TMIGD1: variants seen among roughly 807,000 people sequenced by gnomAD.
TMIGD1 encodes transmembrane and immunoglobulin domain-containing protein 1.
TMIGD1 carries 29 observed loss-of-function variants against 27.5 expected under a neutral mutation model. The ratio of observed to expected loss-of-function variants is 1.05; its 90% confidence interval spans 0.78 to 1.44. The LOEUF (loss-of-function observed/expected upper bound fraction) is 1.44. Ranked by LOEUF, TMIGD1 falls within the 40% of genes most tolerant of loss-of-function variation. The pLI is 0.00. For missense variants in TMIGD1, 334 were observed against 310.6 expected, an observed-to-expected ratio of 1.08 and a Z score of -0.57; for synonymous variants, 109 against 110.3, an observed-to-expected ratio of 0.99 and a Z score of 0.07.
chr17:30,316,731 C>T (rs1198501643), intron 6 of TMIGD1, 41 bp from the exon 7 acceptor site: 2 of 1,597,720 alleles, frequency 1.3e-6, no homozygotes, highest in Non-Finnish European at 1.7e-6. Context: ...ATGCTCATAG[C>T]AATAAGAAAA....
intron 2 of TMIGD1, among the ~76,000 whole-genome samples, chr17:30,330,764 C>T (rs762464089): frequency 6.6e-6 from 1 of 152,094 alleles, no homozygotes; most frequent in Admixed American, 6.5e-5. Flanking sequence ...CATAGTAATA[C>T]ACCTGAATTT....
intron 4 of TMIGD1, among the ~76,000 whole-genome samples, chr17:30,322,841 A>G (rs1909663319): frequency 6.6e-6 from 1 of 151,998 alleles, no homozygotes; most frequent in African/African-American, 2.4e-5. Context: ...AAACTACCTT[A>G]CCCATTGGCT....
At chr17:30,320,441 A>T (rs1567848153) in intron 4 of TMIGD1, among the ~76,000 whole-genome samples, 1 of 152,170 alleles carries the variant, frequency 6.6e-6, no homozygotes, top group Non-Finnish European at 1.5e-5. Context: ...GATTGGCCCC[A>T]AGATATGAAA....
intron 3 of TMIGD1, among the ~76,000 whole-genome samples, chr17:30,328,157 C>T (rs1379125803): frequency 7.2e-5 from 11 of 151,870 alleles, no homozygotes; most frequent in Admixed American, 7.2e-4. Context: ...GCCTCAGCCT[C>T]CTGAGTAGCT....
chr17:30,333,499 C>A (rs969674685), intron 1 of TMIGD1, among the ~76,000 whole-genome samples: 1 of 151,800 alleles, frequency 6.6e-6, no homozygotes, highest in African/African-American at 2.4e-5. Context: ...CTTTTCCAGT[C>A]CCTGGCCACT....
At position 30,318,872 on chromosome 17, in the gene TMIGD1, A is replaced by T. The variant is rs1909507469; in HGVS notation, c.682T>A (p.Cys228Ser). ...CACAATGTCAGAAAGATCACAACAC[A>T]TGCAGCAATAATGGGCTCTATTGGT... ...GVPIEPIIAA[C>S]VVIFLTLCFG... Residue 228 changes from cysteine to serine, a missense_variant, in exon 5 of 7, where the codon TGT becomes AGT. By Grantham distance (112) the Cys-to-Ser change is moderately radical (BLOSUM62 -1). Transcript: ENST00000328886. The T allele has an allele frequency of 6.2e-7, 1 of 1,613,958 alleles. No individual in the cohort carries two copies. The highest frequency in any genetic ancestry group is 1.1e-5 in the South Asian group (1 of 91,070).
At chr17:30,327,283 G>A (rs904493531) in intron 3 of TMIGD1, among the ~76,000 whole-genome samples, 2 of 152,138 alleles carry the variant, frequency 1.3e-5, no homozygotes, top group Non-Finnish European at 2.9e-5. Context: ...TCGGCCTGGT[G>A]GTGCACGCCT....
At chr17:30,327,342 G>A (rs1909817300) in intron 3 of TMIGD1, among the ~76,000 whole-genome samples, 1 of 151,974 alleles carries the variant, frequency 6.6e-6, no homozygotes, top group African/African-American at 2.4e-5. Context: ...ACTTGAGCCT[G>A]GGAGGCAGAG....
At chr17:30,320,951 G>A (rs1909600248) in intron 4 of TMIGD1, among the ~76,000 whole-genome samples, 1 of 152,070 alleles carries the variant, frequency 6.6e-6, no homozygotes, top group African/African-American at 2.4e-5. Context: ...TCTGTCTCCT[G>A]GGTTCAAGCG....
At chr17:30,328,607 CA>C (rs967989474) in intron 3 of TMIGD1, among the ~76,000 whole-genome samples, 2 of 151,064 alleles carry the variant, frequency 1.3e-5, no homozygotes, top group Admixed American at 6.6e-5. Flanking sequence ...TGGAAACAAA[CA>C]AAAAAAAGAC....
intron 4 of TMIGD1, among the ~76,000 whole-genome samples, chr17:30,322,816 T>C (rs112781659): frequency 0.012 from 1,812 of 152,302 alleles, 37 homozygotes; most frequent in African/African-American, 0.041. Flanking sequence ...TCTTATTCTA[T>C]ACACAAACCG....
intron 3 of TMIGD1, among the ~76,000 whole-genome samples, chr17:30,327,720 C>A (rs921606809): frequency 2.7e-5 from 4 of 148,860 alleles, no homozygotes; most frequent in African/African-American, 9.9e-5. Flanking sequence ...CCACCATGCC[C>A]AGCTAATTAA....
At chr17:30,326,834 G>T (rs190342162) in intron 3 of TMIGD1, among the ~76,000 whole-genome samples, 1 of 152,096 alleles carries the variant, frequency 6.6e-6, no homozygotes, top group Non-Finnish European at 1.5e-5. Flanking sequence ...TTTCAGCAAC[G>T]AGGTATGAGA....
intron 5 of TMIGD1, 78 bp from the exon 6 acceptor site, chr17:30,317,311 C>T (rs1909447123): frequency 7.8e-6 from 12 of 1,532,542 alleles, no homozygotes; most frequent in East Asian, 2.3e-5. Context: ...TAAGATGGCT[C>T]GAGGACAGGT....
At chr17:30,322,216 A>AT (rs1909641589) in intron 4 of TMIGD1, among the ~76,000 whole-genome samples, 1 of 152,318 alleles carries the variant, frequency 6.6e-6, no homozygotes, top group Non-Finnish European at 1.5e-5. Context: ...GTTTCTAAAA[A>AT]TTATTCTCAT....
chr17:30,318,076 A>T (rs1395699020), intron 5 of TMIGD1, among the ~76,000 whole-genome samples: 1 of 152,106 alleles, frequency 6.6e-6, no homozygotes, highest in African/African-American at 2.4e-5. Context: ...TCAAAAAAAT[A>T]AAAAAAGAAA....
chr17:30,318,725 C>T, intron 5 of TMIGD1, 85 bp downstream of exon 5: 1 of 992,836 alleles, frequency 1.0e-6, no homozygotes, highest in Non-Finnish European at 1.5e-6. Flanking sequence ...AGAAGGGTTC[C>T]TAACTGAAGT....
intron 4 of TMIGD1, among the ~76,000 whole-genome samples, chr17:30,323,098 G>A (rs1422701920): frequency 1.3e-5 from 2 of 152,100 alleles, no homozygotes; most frequent in Non-Finnish European, 2.9e-5. Context: ...TGAGCCTGGG[G>A]GGATGAGGCT....
intron 2 of TMIGD1, 128 bp from the exon 3 acceptor site, chr17:30,329,657 G>A (rs1338469603): frequency 4.5e-6 from 3 of 660,922 alleles, no homozygotes; most frequent in South Asian, 4.7e-5. Context: ...ATTAAAAATA[G>A]TCATATTGAT....
Sources: gnomAD v4.1 joint callset for allele counts (sites outside exome capture counted in the v4.1 genomes callset) on GRCh38, gnomAD v4.1.1 for gene constraint, MANE v1.5 for transcripts, NCBI Gene and HGNC (gene_info 2026-07-23, HGNC 2026-07-21) for gene names.